Variants in RNF111 observed in about 807,000 individuals in gnomAD.
RNF111 encodes the protein ring finger protein 111.
In RNF111, 17 loss-of-function variants were observed where a neutral mutation model predicts 95.1. The observed-to-expected ratio is 0.18, with a 90% CI of 0.12 to 0.27. The LOEUF is 0.27. Ranked by LOEUF, RNF111 falls within the 10% of genes least tolerant of loss-of-function variation. RNF111 has a pLI of 1.00. For synonymous variants in RNF111, 440 were observed against 414.8 expected, an observed-to-expected ratio of 1.06 and a Z score of -0.74; for missense variants, 1,189 against 1,210.4, an observed-to-expected ratio of 0.98 and a Z score of 0.26.
At position 59,076,149 on chromosome 15, in the gene RNF111, C is replaced by A. The variant is rs1294855243; in HGVS notation, c.1882C>A (p.Gln628Lys). The change falls in exon 7 of 14, where the codon CAG becomes AAG. Residue 628 changes from glutamine to lysine, a missense_variant. Physicochemically the swap from Gln to Lys is moderately conservative, Grantham distance 53. Coordinates refer to ENST00000348370, the MANE Select transcript of RNF111 (RefSeq NM_017610.8). ...IDGYGSSMVAQPQPQPPPQPS... is the reference protein window; with the variant it reads ...IDGYGSSMVAKPQPQPPPQPS... ...TGGCTATGGATCAAGCATGGTTGCG[C>A]AGCCCCAGCCCCAGCCCCCTCCACA... 4 of 1,613,848 alleles carry A rather than the reference C, an allele frequency of 2.5e-6. No individual in the cohort carries two copies. The highest frequency in any genetic ancestry group is 2.5e-6 in the Non-Finnish European group (3 of 1,179,992).
At chr15:59,093,258 G>A (rs1308269572) in intron 13 of RNF111, 6 of 319,502 alleles carry the variant, frequency 1.9e-5, no homozygotes, top group Non-Finnish European at 6.1e-6. Context: ...AGGCTTTGGA[G>A]GTCCTAGAAA....
intron 10 of RNF111, among the ~76,000 whole-genome samples, chr15:59,087,317 T>C (rs1247603327): frequency 6.6e-6 from 1 of 152,206 alleles, no homozygotes; most frequent in African/African-American, 2.4e-5. Flanking sequence ...TTCTGAGAAC[T>C]GGCTTGAAAA....
intron 2 of RNF111, among the ~76,000 whole-genome samples, chr15:59,038,254 C>T (rs1036224306): frequency 6.6e-6 from 1 of 152,102 alleles, no homozygotes; most frequent in Non-Finnish European, 1.5e-5. Context: ...TCACTAGAAA[C>T]TTTGTCTCAA....
At chr15:59,013,350 C>T (rs2039918407) in intron 1 of RNF111, among the ~76,000 whole-genome samples, 1 of 152,160 alleles carries the variant, frequency 6.6e-6, no homozygotes, top group African/African-American at 2.4e-5. Flanking sequence ...TAAATAAACT[C>T]CAGATAATAT....
At chr15:59,038,030 T>G (rs1435998093) in intron 2 of RNF111, among the ~76,000 whole-genome samples, 2 of 152,226 alleles carry the variant, frequency 1.3e-5, no homozygotes, top group African/African-American at 4.8e-5. Context: ...TCTTATTAAC[T>G]TATTTACATA....
chr15:59,081,432 C>T (rs1321191852), intron 8 of RNF111, 148 bp downstream of exon 8: 39 of 665,988 alleles, frequency 5.9e-5, no homozygotes, highest in African/African-American at 1.8e-5. Context: ...ATTGCTTGAG[C>T]CCAGGAGTTT....
chr15:59,023,130 C>G (rs1243848701), intron 1 of RNF111, among the ~76,000 whole-genome samples: 1 of 152,142 alleles, frequency 6.6e-6, no homozygotes, highest in African/African-American at 2.4e-5. Flanking sequence ...TGTCTGTAAT[C>G]CCAGCTACTC....
chr15:59,067,120 C>G (rs2042691141), intron 6 of RNF111, 37 bp downstream of exon 6: 3 of 1,514,172 alleles, frequency 2.0e-6, no homozygotes, highest in African/African-American at 1.4e-5. Context: ...TTTCCTGCCC[C>G]TCTTGTCTCT....
intron 1 of RNF111, among the ~76,000 whole-genome samples, chr15:59,028,531 G>A (rs1489194523): frequency 6.6e-6 from 1 of 152,174 alleles, no homozygotes; most frequent in African/African-American, 2.4e-5. Context: ...CATAGTGTGA[G>A]TAACTGAAGC....
intron 1 of RNF111, among the ~76,000 whole-genome samples, chr15:59,005,205 A>G (rs1479054045): frequency 6.6e-6 from 1 of 151,920 alleles, no homozygotes; most frequent in Non-Finnish European, 1.5e-5. Flanking sequence ...CTGTTTGTTT[A>G]TTTGTCGAGA....
rs71425836 is a variant in RNF111 at position 59,012,003 on chromosome 15, C to CTTTTTTTTTTT, written c.-19-18782_-19-18772dup. Among the ~76,000 whole-genome samples, 151 of 40,440 alleles carry CTTTTTTTTTTT rather than the reference C, an allele frequency of 3.7e-3. 27 individuals are homozygous for CTTTTTTTTTTT. The highest frequency in any genetic ancestry group is 7.0e-3 in the African/African-American group (85 of 12,106). 26.5% of individuals were successfully genotyped at this position (40,440 alleles called of 152,430 possible). A position where few individuals can be genotyped will look rare whatever the true frequency, so the allele number is the denominator to read the frequency against. On this transcript the variant is annotated intron_variant, in intron 1 of 13. Coordinates refer to ENST00000348370, the MANE Select transcript of RNF111 (RefSeq NM_017610.8). ...TTAGTGTTCTTTTTTGTTTGTTTGCCTTTTTTTTTTTTTTTTTTTTTTTTT... is the reference window on the plus strand; with the variant it reads ...TTAGTGTTCTTTTTTGTTTGTTTGCCTTTTTTTTTTTTTTTTTTTTTTTTTTTTTTTTTTTT...
intron 1 of RNF111, among the ~76,000 whole-genome samples, chr15:59,022,716 A>G (rs1272714272): frequency 6.6e-6 from 1 of 152,192 alleles, no homozygotes; most frequent in Non-Finnish European, 1.5e-5. Flanking sequence ...TTTAAATGCA[A>G]CCAAAAGACT....
chr15:59,005,883 A>G lies in RNF111; in HGVS notation c.-20+17815A>G, dbSNP rs535439756. On this transcript the variant is annotated intron_variant, in intron 1 of 13. Coordinates refer to ENST00000348370, the MANE Select transcript of RNF111 (RefSeq NM_017610.8). ...TTTGTGGTAAATATTTTCATTTTTC[A>G]GATGAGGAAATTCAGGCACAGAATG... Among the ~76,000 whole-genome samples the G allele has an allele frequency of 2.4e-4, 36 of 152,348 alleles. No homozygotes were observed. The South Asian group carries it at 5.0e-3, about 21-fold the overall frequency.
intron 1 of RNF111, among the ~76,000 whole-genome samples, chr15:58,996,855 T>G (rs532959540): frequency 6.6e-6 from 1 of 152,196 alleles, no homozygotes; most frequent in Non-Finnish European, 1.5e-5. Context: ...AAAAGTCAGT[T>G]TCAAAAGACT....
chr15:58,993,039 G>A (rs1022241145), intron 1 of RNF111, among the ~76,000 whole-genome samples: 3 of 150,328 alleles, frequency 2.0e-5, no homozygotes, highest in Non-Finnish European at 4.4e-5. Flanking sequence ...GCATGGTGGC[G>A]GGTGCTTGTA....
intron 1 of RNF111, among the ~76,000 whole-genome samples, chr15:59,021,384 C>G (rs938316669): frequency 1.3e-5 from 2 of 152,088 alleles, no homozygotes; most frequent in Admixed American, 6.5e-5. Context: ...CTCCTGACCT[C>G]AATTCATCCG....
chr15:58,995,807 T>TGGCACAGCAAGATGTTGCA (rs2039045900), intron 1 of RNF111, among the ~76,000 whole-genome samples: 2 of 146,478 alleles, frequency 1.4e-5, no homozygotes, highest in African/African-American at 5.0e-5. Flanking sequence ...CCTGTCTTTC[T>TGGCACAGCAAGATGTTGCA]GGCACAGCAA....
intron 2 of RNF111, among the ~76,000 whole-genome samples, chr15:59,038,944 T>A (rs1480587303): frequency 2.0e-5 from 3 of 152,168 alleles, no homozygotes; most frequent in African/African-American, 7.2e-5. Context: ...TTGCCCAGAT[T>A]CATTATATTA....
intron 7 of RNF111, among the ~76,000 whole-genome samples, chr15:59,078,442 G>C (rs1379821159): frequency 1.3e-5 from 2 of 151,846 alleles, no homozygotes; most frequent in African/African-American, 4.8e-5. Flanking sequence ...TCAGGAGGCT[G>C]AGGCATGGGG....
Sources: allele counts gnomAD v4.1 joint callset (sites outside exome capture counted in the v4.1 genomes callset), GRCh38; gene constraint gnomAD v4.1.1; transcripts MANE v1.5; gene names NCBI Gene and HGNC (gene_info 2026-07-23, HGNC 2026-07-21).